The following OPCML variants were observed in gnomAD, a reference collection of about 807,000 sequenced individuals.
The protein encoded by OPCML is opioid binding protein/cell adhesion molecule like.
A neutral mutation model predicts 37.8 loss-of-function variants in OPCML; 13 were observed. The ratio of observed to expected loss-of-function variants is 0.34; its 90% CI spans 0.22 to 0.55. OPCML has a LOEUF of 0.55. Ranked by LOEUF, OPCML falls within the 20% of genes least tolerant of loss-of-function variation. The pLI is 0.91. For missense variants in OPCML, 341 were observed against 435.6 expected (o/e 0.78, Z 1.93); for synonymous variants, 176 against 168.8 (o/e 1.04, Z -0.33).
At chr11:133,145,296 G>A (rs1024580269) in intron 1 of OPCML, among the ~76,000 whole-genome samples, 3 of 152,130 alleles carry the variant, frequency 2.0e-5, no homozygotes, top group African/African-American at 4.8e-5. Context: ...GGACATTTAC[G>A]AGGAGATGAA....
At position 132,486,322 on chromosome 11, in the gene OPCML, G is replaced by A. The variant is rs1475024748; in HGVS notation, c.505+42739C>T. 3.3e-5 allele frequency among the ~76,000 whole-genome samples: 5 copies of A among 152,272 alleles called. No homozygotes were observed. In the East Asian group the frequency reaches 9.7e-4, roughly 29 times the overall value. Reference sequence around the variant, plus strand: ...TTAGTCATTTGTGAGCCCCACAATGGTTCTTTGATGATAGTAAGAATGTGC... The same window carrying A: ...TTAGTCATTTGTGAGCCCCACAATGATTCTTTGATGATAGTAAGAATGTGC... On this transcript the variant is annotated intron_variant, in intron 4 of 7. Transcript: ENST00000524381.
At chr11:133,188,002 G>T (rs1318186011) in intron 1 of OPCML, among the ~76,000 whole-genome samples, 1 of 152,186 alleles carries the variant, frequency 6.6e-6, no homozygotes, top group Non-Finnish European at 1.5e-5. Context: ...GCAGCTCTGG[G>T]TGACAACAAA....
At chr11:132,845,017 T>A (rs868789991) in intron 2 of OPCML, among the ~76,000 whole-genome samples, 1 of 152,026 alleles carries the variant, frequency 6.6e-6, no homozygotes, top group Non-Finnish European at 1.5e-5. Flanking sequence ...CATAACTGTA[T>A]GGATAGCAAA....
chr11:132,439,481 C>T (rs192197796), intron 4 of OPCML, among the ~76,000 whole-genome samples: 1 of 152,226 alleles, frequency 6.6e-6, no homozygotes, highest in Non-Finnish European at 1.5e-5. Context: ...AGTTCATACA[C>T]TAACTCTTCA....
chr11:132,718,881 A>G (rs1165910309), intron 2 of OPCML, among the ~76,000 whole-genome samples: 2 of 152,214 alleles, frequency 1.3e-5, no homozygotes, highest in Non-Finnish European at 2.9e-5. Flanking sequence ...TTATCAACAG[A>G]TGAGCATCTG....
At chr11:132,988,596 C>T (rs778878231) in intron 1 of OPCML, among the ~76,000 whole-genome samples, 21 of 152,188 alleles carry the variant, frequency 1.4e-4, no homozygotes, top group African/African-American at 2.9e-4. Context: ...AGGTCTCCCT[C>T]GCCCTGTTTG....
At chr11:132,645,050 G>A (rs1441421356) in intron 3 of OPCML, among the ~76,000 whole-genome samples, 1 of 152,216 alleles carries the variant, frequency 6.6e-6, no homozygotes, top group African/African-American at 2.4e-5. Flanking sequence ...ATTGCAGCAG[G>A]CTGGGTCCCT....
At chr11:132,977,980 T>C (rs1946500657) in intron 1 of OPCML, among the ~76,000 whole-genome samples, 1 of 152,158 alleles carries the variant, frequency 6.6e-6, no homozygotes, top group Non-Finnish European at 1.5e-5. Flanking sequence ...ACGGAAGTCC[T>C]GTGGAAAATG....
At chr11:132,942,899 G>T in intron 2 of OPCML, 27 bp downstream of exon 2, 1 of 1,613,454 alleles carries the variant, frequency 6.2e-7, no homozygotes, top group Non-Finnish European at 8.5e-7. Context: ...CCAGGGGCTC[G>T]GCCCCCGCGG....
chr11:132,460,391 A>G (rs939526630), intron 4 of OPCML, among the ~76,000 whole-genome samples: 1 of 152,180 alleles, frequency 6.6e-6, no homozygotes, highest in African/African-American at 2.4e-5. Flanking sequence ...CCTTGAAAAC[A>G]GCTTTGACCT....
At chr11:133,194,473 G>T (rs1592091999) in intron 1 of OPCML, among the ~76,000 whole-genome samples, 1 of 152,092 alleles carries the variant, frequency 6.6e-6, no homozygotes, top group African/African-American at 2.4e-5. Flanking sequence ...GCCTCCCAAA[G>T]TGCTGGGATT....
intron 2 of OPCML, among the ~76,000 whole-genome samples, chr11:132,807,230 TG>T (rs1469004476): frequency 2.0e-5 from 3 of 152,138 alleles, no homozygotes; most frequent in Non-Finnish European, 4.4e-5. Flanking sequence ...GTCTCAAACT[TG>T]GTTTTTTTGG....
At chr11:133,227,686 T>A (rs1180559791) in intron 1 of OPCML, among the ~76,000 whole-genome samples, 1 of 152,170 alleles carries the variant, frequency 6.6e-6, no homozygotes, top group Non-Finnish European at 1.5e-5. Flanking sequence ...ATTCCCTGTT[T>A]CTTTGTCTGG....
rs1159162116 is a variant in OPCML, at chr11:133,161,241, A to G, written c.62-218231T>C. On this transcript the variant is annotated intron_variant, in intron 1 of 7. Coordinates refer to ENST00000524381, the MANE Select transcript of OPCML (RefSeq NM_001012393.5). ...GACAAGATAAAAATGCAAAGAAAAT[A>G]TAATAACAACATGTTGTAAAACAAA... Among the ~76,000 whole-genome samples the G allele has an allele frequency of 2.6e-5, 4 of 152,256 alleles. No homozygotes were observed. The East Asian group carries it at 7.7e-4, about 29-fold the overall frequency.
At chr11:133,400,570 G>A (rs1013841634) in intron 1 of OPCML, among the ~76,000 whole-genome samples, 1 of 152,176 alleles carries the variant, frequency 6.6e-6, no homozygotes, top group Non-Finnish European at 1.5e-5. Flanking sequence ...TGTACAATGA[G>A]AATTTTCTTA....
At chr11:132,647,862 G>A (rs559875072) in intron 3 of OPCML, among the ~76,000 whole-genome samples, 3 of 152,326 alleles carry the variant, frequency 2.0e-5, no homozygotes, top group South Asian at 4.1e-4. Flanking sequence ...TTTTCCTGGT[G>A]ATTATTTTGC....
intron 1 of OPCML, among the ~76,000 whole-genome samples, chr11:133,171,589 C>T (rs753816268): frequency 1.3e-5 from 2 of 152,184 alleles, no homozygotes; most frequent in Admixed American, 6.5e-5. Flanking sequence ...AGGAAGCCAG[C>T]GCTCGAACTG....
Position 132,575,908 on chromosome 11 carries a change from G to C in OPCML, c.380-46722C>G, listed in dbSNP as rs958022975. Among the ~76,000 whole-genome samples the C allele has an allele frequency of 5.9e-5, 9 of 152,108 alleles. 1 individual carries two copies. The highest frequency in any genetic ancestry group is 4.6e-4 in the Admixed American group (7 of 15,282). Reference sequence around the variant, plus strand: ...ATTTTTTTAGATAACAGTTTTGCCAGGCATAGTAATCTTGATTGGTAGTTT... The same window carrying C: ...ATTTTTTTAGATAACAGTTTTGCCACGCATAGTAATCTTGATTGGTAGTTT... On this transcript the variant is annotated intron_variant, in intron 3 of 7. Transcript: ENST00000524381.
At chr11:132,844,930 A>G (rs1044364840) in intron 2 of OPCML, among the ~76,000 whole-genome samples, 3 of 144,960 alleles carry the variant, frequency 2.1e-5, no homozygotes, top group African/African-American at 7.8e-5. Flanking sequence ...AAGAACATAT[A>G]GAAATAAAAG....
Sources: allele counts gnomAD v4.1 joint callset (sites outside exome capture counted in the v4.1 genomes callset), GRCh38; gene constraint gnomAD v4.1.1; transcripts MANE v1.5; gene names NCBI Gene and HGNC (gene_info 2026-07-23, HGNC 2026-07-21).